Variants in EYA2 observed in about 807,000 individuals in gnomAD.
The protein encoded by EYA2 is EYA transcriptional coactivator and phosphatase 2.
Under a neutral mutation model 69.2 loss-of-function variants are expected in EYA2, and 31 were observed. The observed-to-expected ratio is 0.45, with a 90% CI of 0.34 to 0.60. EYA2 has a LOEUF of 0.60. Among genes scored for constraint, EYA2 ranks in the 20% least tolerant of loss-of-function variants. The pLI, the probability that EYA2 is intolerant of heterozygous loss-of-function variation, is 0.02. For missense variants in EYA2, 622 were observed against 701.2 expected, an observed-to-expected ratio of 0.89 and a Z score of 1.28; for synonymous variants, 257 against 279.4, an observed-to-expected ratio of 0.92 and a Z score of 0.80.
At chr20:46,953,318 C>T (rs1978914633) in intron 1 of EYA2, among the ~76,000 whole-genome samples, 1 of 152,146 alleles carries the variant, frequency 6.6e-6, no homozygotes, top group Non-Finnish European at 1.5e-5. Flanking sequence ...GTTATGGGAC[C>T]TGGTTATGGA....
At chr20:47,167,280 C>T (rs1185659620) in intron 10 of EYA2, among the ~76,000 whole-genome samples, 5 of 111,716 alleles carry the variant, frequency 4.5e-5, no homozygotes, top group African/African-American at 7.3e-5. Context: ...GGTTTTTTTA[C>T]TTTTTTTTTT....
intron 8 of EYA2, among the ~76,000 whole-genome samples, chr20:47,095,003 G>C (rs1213348774): frequency 6.8e-6 from 1 of 147,428 alleles, no homozygotes; most frequent in Non-Finnish European, 1.5e-5. Flanking sequence ...ACTGCACACA[G>C]GCCCTGTCTC....
chr20:47,081,663 C>T (rs999212032), intron 7 of EYA2, among the ~76,000 whole-genome samples: 5 of 151,310 alleles, frequency 3.3e-5, no homozygotes, highest in Admixed American at 3.3e-4. Flanking sequence ...CCTGTGATCC[C>T]AGCTACTCAG....
intron 1 of EYA2, among the ~76,000 whole-genome samples, chr20:46,964,539 T>C (rs367707546): frequency 2.6e-5 from 4 of 152,216 alleles, no homozygotes; most frequent in East Asian, 3.8e-4. Context: ...AACCCCTCCC[T>C]GGGATGACCA....
chr20:47,125,435 G>T (rs2033162813), intron 9 of EYA2, among the ~76,000 whole-genome samples: 1 of 151,306 alleles, frequency 6.6e-6, no homozygotes, highest in Admixed American at 6.6e-5. Flanking sequence ...AAGAAGCCAA[G>T]TTTTTTTTTA....
intron 1 of EYA2, among the ~76,000 whole-genome samples, chr20:46,948,509 G>A (rs781625989): frequency 6.6e-6 from 1 of 152,174 alleles, no homozygotes; most frequent in Non-Finnish European, 1.5e-5. Context: ...GTGACGATAA[G>A]CTGCATAAGA....
At chr20:47,036,475 C>T (rs888012118) in intron 5 of EYA2, among the ~76,000 whole-genome samples, 2 of 152,072 alleles carry the variant, frequency 1.3e-5, no homozygotes, top group Non-Finnish European at 2.9e-5. Flanking sequence ...ATGGTCCTGC[C>T]GTGGCAGGGC....
At chr20:46,917,327 G>C (rs967116080) in intron 1 of EYA2, among the ~76,000 whole-genome samples, 3 of 152,202 alleles carry the variant, frequency 2.0e-5, no homozygotes, top group African/African-American at 7.2e-5. Context: ...CTGCCAAGAG[G>C]GGAATTACTG....
chr20:47,006,677 T>G (rs1382627195), intron 4 of EYA2, among the ~76,000 whole-genome samples: 5 of 152,166 alleles, frequency 3.3e-5, no homozygotes, highest in Non-Finnish European at 5.9e-5. Flanking sequence ...GGGCAGACAG[T>G]GGTCAACAAA....
intron 2 of EYA2, among the ~76,000 whole-genome samples, chr20:46,994,713 C>T (rs1981902247): frequency 6.6e-6 from 1 of 152,044 alleles, no homozygotes. Flanking sequence ...TAGCCGTTCA[C>T]ACCCAGAACA....
At chr20:47,116,447 G>T (rs979679536) in intron 9 of EYA2, among the ~76,000 whole-genome samples, 3 of 152,064 alleles carry the variant, frequency 2.0e-5, no homozygotes, top group African/African-American at 4.8e-5. Context: ...CAAAGTGCTG[G>T]GATCATAGGC....
intron 1 of EYA2, among the ~76,000 whole-genome samples, chr20:46,917,488 A>C (rs899818797): frequency 6.6e-6 from 1 of 152,252 alleles, no homozygotes; most frequent in Non-Finnish European, 1.5e-5. Context: ...CAGGTCAGAC[A>C]GACTATGACC....
intron 2 of EYA2, among the ~76,000 whole-genome samples, chr20:46,999,145 G>A (rs1011095837): frequency 5.8e-4 from 89 of 152,186 alleles, no homozygotes; most frequent in African/African-American, 2.0e-3. Context: ...CCATAGGAAT[G>A]TTGTTCCCAT....
In EYA2 at chr20:47,039,220, GCTGT is replaced by G. The variant is rs537933157; in HGVS notation, c.415+22928_415+22931del. Reference sequence around the variant, plus strand: ...TAAAACCCTCAGGCCAAATCTGCCTGCTGTCTGTTTTTGTACCACCCATGAGCTT... The same window carrying G: ...TAAAACCCTCAGGCCAAATCTGCCTGCTGTTTTTGTACCACCCATGAGCTT... On this transcript the variant is annotated intron_variant, in intron 5 of 15. Coordinates refer to ENST00000327619, the MANE Select transcript of EYA2 (RefSeq NM_005244.5). Among the ~76,000 whole-genome samples the G allele has an allele frequency of 3.2e-4, 49 of 152,278 alleles. No homozygotes were observed. In the East Asian group the frequency reaches 9.1e-3, roughly 28 times the overall value.
At chr20:46,917,242 C>G (rs1984950151) in intron 1 of EYA2, among the ~76,000 whole-genome samples, 1 of 152,180 alleles carries the variant, frequency 6.6e-6, no homozygotes, top group African/African-American at 2.4e-5. Context: ...TCAAGGTTGC[C>G]TTTCCAGCAT....
chr20:47,051,947 T>C (rs2030359049), intron 5 of EYA2, among the ~76,000 whole-genome samples: 2 of 152,256 alleles, frequency 1.3e-5, no homozygotes, highest in African/African-American at 4.8e-5. Context: ...TAACTATTGC[T>C]AATGTCAACT....
At chr20:46,955,906 C>T (rs1979097865) in intron 1 of EYA2, among the ~76,000 whole-genome samples, 1 of 152,216 alleles carries the variant, frequency 6.6e-6, no homozygotes, top group African/African-American at 2.4e-5. Context: ...ATGCAATCTC[C>T]ATTTCAACTA....
intron 6 of EYA2, among the ~76,000 whole-genome samples, chr20:47,073,003 C>T (rs2031373753): frequency 6.6e-6 from 1 of 152,132 alleles, no homozygotes; most frequent in Admixed American, 6.5e-5. Flanking sequence ...TGTATTTTTG[C>T]ATTATTTCTA....
At chr20:46,989,942 A>G (rs1044932182) in intron 1 of EYA2, 59 bp from the exon 2 acceptor site, 2 of 843,810 alleles carry the variant, frequency 2.4e-6, no homozygotes, top group Non-Finnish European at 4.1e-6. Flanking sequence ...AGAAATAGGA[A>G]TCATTAGCAA....
Sources: allele counts gnomAD v4.1 joint callset (sites outside exome capture counted in the v4.1 genomes callset), GRCh38; gene constraint gnomAD v4.1.1; transcripts MANE v1.5; gene names NCBI Gene and HGNC (gene_info 2026-07-23, HGNC 2026-07-21).